DRC8: variants seen among roughly 807,000 people sequenced by gnomAD.
DRC8 encodes dynein regulatory complex subunit 8.
chr1:244,985,053 C>A, the DRC8 span, among the ~76,000 whole-genome samples: 6 of 146,972 alleles, frequency 4.1e-5, no homozygotes, highest in Non-Finnish European at 7.4e-5. Context: ...ACAAAACAGA[C>A]AAGGATGTCT....
the DRC8 span, among the ~76,000 whole-genome samples, chr1:244,971,958 CA>C: frequency 4.3e-3 from 463 of 107,208 alleles, no homozygotes; most frequent in African/African-American, 0.012. Context: ...TGTTCTTTAC[CA>C]AAAAAAAAAA....
the DRC8 span, among the ~76,000 whole-genome samples, chr1:245,054,148 T>G: frequency 6.6e-6 from 1 of 152,098 alleles, no homozygotes; most frequent in Non-Finnish European, 1.5e-5. Context: ...TACTTCTGTT[T>G]GTTTTTTGGG....
At chr1:245,081,847 G>T in the DRC8 span, among the ~76,000 whole-genome samples, 1 of 152,146 alleles carries the variant, frequency 6.6e-6, no homozygotes, top group African/African-American at 2.4e-5. Context: ...AGTGTCTTTG[G>T]TTGCTGTTTC....
chr1:244,970,794 T>G, the DRC8 span: 2 of 356,136 alleles, frequency 5.6e-6, no homozygotes, highest in Non-Finnish European at 1.0e-5. Flanking sequence ...TCCCCCTCCC[T>G]CGGAGGCCGG....
chr1:244,980,477 G>C, the DRC8 span, among the ~76,000 whole-genome samples: 4 of 152,192 alleles, frequency 2.6e-5, no homozygotes, highest in East Asian at 7.7e-4. Flanking sequence ...TCCAGGTTTG[G>C]GACTCCAGGT....
chr1:245,041,338 T>C, the DRC8 span, among the ~76,000 whole-genome samples: 1 of 152,064 alleles, frequency 6.6e-6, no homozygotes, highest in South Asian at 2.1e-4. Context: ...CTCGGTGCAG[T>C]TGATCAGGAA....
the DRC8 span, among the ~76,000 whole-genome samples, chr1:245,116,185 G>A: frequency 1.3e-5 from 2 of 151,924 alleles, no homozygotes; most frequent in African/African-American, 4.8e-5. Context: ...ACTGTGCCTG[G>A]CCTAAAGATC....
the DRC8 span, among the ~76,000 whole-genome samples, chr1:245,096,367 C>T: frequency 1.3e-5 from 2 of 152,244 alleles, no homozygotes; most frequent in African/African-American, 2.4e-5. Flanking sequence ...GCCAACTGGC[C>T]TCCCGCGCTC....
chr1:245,007,333 TTTGA>T, the DRC8 span, among the ~76,000 whole-genome samples: 2 of 152,180 alleles, frequency 1.3e-5, no homozygotes, highest in Non-Finnish European at 2.9e-5. Context: ...GTACATAATC[TTTGA>T]TTGGATTTTA....
chr1:245,059,437 G>A, the DRC8 span: 1 of 1,612,908 alleles, frequency 6.2e-7, no homozygotes, highest in Non-Finnish European at 8.5e-7. Context: ...CGGAAGGAGA[G>A]CTGCATGATC....
the DRC8 span, among the ~76,000 whole-genome samples, chr1:245,080,304 C>T: frequency 2.0e-5 from 3 of 152,302 alleles, no homozygotes; most frequent in East Asian, 5.8e-4. Context: ...TGTTCAGCCA[C>T]TCCATCCAAG....
the DRC8 span, among the ~76,000 whole-genome samples, chr1:244,977,117 G>A: frequency 6.6e-6 from 1 of 152,170 alleles, no homozygotes; most frequent in African/African-American, 2.4e-5. Context: ...TAGATTGCTG[G>A]TTGCCAGGGG....
chr1:245,083,542 C>T, the DRC8 span: 5 of 1,580,174 alleles, frequency 3.2e-6, no homozygotes, highest in East Asian at 4.7e-5. Flanking sequence ...TATTTACATA[C>T]ACACATATAT....
At chr1:245,106,688 G>T in the DRC8 span, among the ~76,000 whole-genome samples, 1 of 152,192 alleles carries the variant, frequency 6.6e-6, no homozygotes, top group Non-Finnish European at 1.5e-5. Context: ...GGAAATTTCT[G>T]CAGGAATAAC....
chr1:245,078,439 CAA>C, the DRC8 span, among the ~76,000 whole-genome samples: 1 of 33,620 alleles, frequency 3.0e-5, no homozygotes, highest in African/African-American at 8.2e-5. Context: ...TGTCTATAAA[CAA>C]ATGAGTGGAT....
chr1:245,098,987 C>T, the DRC8 span, among the ~76,000 whole-genome samples: 3 of 152,198 alleles, frequency 2.0e-5, no homozygotes, highest in African/African-American at 7.2e-5. Flanking sequence ...ACATGTGATC[C>T]TCAGGTGTGA....
chr1:245,048,371 C>A, the DRC8 span, among the ~76,000 whole-genome samples: 1 of 152,102 alleles, frequency 6.6e-6, no homozygotes, highest in Non-Finnish European at 1.5e-5. Flanking sequence ...CCTTCATAAC[C>A]AGCTTCTGAA....
At chr1:244,984,650 C>T in the DRC8 span, among the ~76,000 whole-genome samples, 4 of 152,040 alleles carry the variant, frequency 2.6e-5, no homozygotes, top group Non-Finnish European at 5.9e-5. Context: ...GCCTGGCCAA[C>T]ACAGAGAAAC....
the DRC8 span, chr1:244,970,183 C>A: frequency 2.8e-6 from 2 of 713,750 alleles, no homozygotes; most frequent in South Asian, 3.0e-5. Context: ...GGCCGGGGGC[C>A]GGGTGGCAGA....
Sources: gnomAD v4.1 joint callset for allele counts (sites outside exome capture counted in the v4.1 genomes callset) on GRCh38, gnomAD v4.1.1 for gene constraint, MANE v1.5 for transcripts, NCBI Gene and HGNC (gene_info 2026-07-23, HGNC 2026-07-21) for gene names.